Variants in DGKI observed in about 807,000 individuals in gnomAD.
DGKI encodes DAG kinase iota.
A neutral mutation model predicts 147.5 loss-of-function variants in DGKI; 55 were observed. The observed-to-expected ratio is 0.37, with a 90% CI of 0.30 to 0.47. DGKI has a LOEUF of 0.47. Among genes scored for constraint, DGKI ranks in the 20% least tolerant of loss-of-function variants. DGKI has a pLI of 1.00. For synonymous variants in DGKI, 469 were observed against 477.1 expected, an observed-to-expected ratio of 0.98 and a Z score of 0.22; for missense variants, 1,007 against 1,323.8, an observed-to-expected ratio of 0.76 and a Z score of 3.71.
At chr7:137,397,053 AT>A (rs1811580743) in intron 31 of DGKI, among the ~76,000 whole-genome samples, 1 of 152,360 alleles carries the variant, frequency 6.6e-6, no homozygotes, top group East Asian at 1.9e-4. Flanking sequence ...AATAAATGTG[AT>A]GGGTATATTA....
chr7:137,795,657 T>C (rs1366237543), intron 1 of DGKI, among the ~76,000 whole-genome samples: 1 of 152,192 alleles, frequency 6.6e-6, no homozygotes, highest in Non-Finnish European at 1.5e-5. Context: ...TGGAAAGCCA[T>C]GCATATGCGC....
At chr7:137,394,322 T>C (rs1013677496) in intron 32 of DGKI, among the ~76,000 whole-genome samples, 2 of 152,224 alleles carry the variant, frequency 1.3e-5, no homozygotes, top group Admixed American at 6.5e-5. Context: ...TCAGCTATTG[T>C]TAGTGTTAGT....
chr7:137,539,552 G>C (rs888998341), intron 20 of DGKI, among the ~76,000 whole-genome samples: 17 of 152,066 alleles, frequency 1.1e-4, no homozygotes, highest in African/African-American at 3.9e-4. Flanking sequence ...AAGCCAGACA[G>C]ATAAGAATAG....
intron 23 of DGKI, among the ~76,000 whole-genome samples, chr7:137,470,601 G>T (rs1814844426): frequency 6.6e-6 from 1 of 151,702 alleles, no homozygotes; most frequent in Non-Finnish European, 1.5e-5. Context: ...TGTCTTCCAG[G>T]CTGTCTTCCA....
At chr7:137,736,398 G>A (rs1055419918) in intron 1 of DGKI, among the ~76,000 whole-genome samples, 15 of 152,206 alleles carry the variant, frequency 9.9e-5, no homozygotes, top group East Asian at 1.9e-4. Flanking sequence ...ACCTCTTACC[G>A]TGTGACAGTG....
chr7:137,516,686 T>C (rs1380991745), intron 21 of DGKI, among the ~76,000 whole-genome samples: 1 of 152,092 alleles, frequency 6.6e-6, no homozygotes, highest in Non-Finnish European at 1.5e-5. Context: ...TTTTCTAGTT[T>C]CATCTTTCAA....
intron 5 of DGKI, among the ~76,000 whole-genome samples, chr7:137,653,464 A>G (rs954543783): frequency 6.6e-6 from 1 of 152,224 alleles, no homozygotes; most frequent in African/African-American, 2.4e-5. Flanking sequence ...ATGGCTTACA[A>G]GGACCTTCAG....
At chr7:137,438,442 G>A (rs183763208) in intron 28 of DGKI, among the ~76,000 whole-genome samples, 1 of 152,176 alleles carries the variant, frequency 6.6e-6, no homozygotes, top group African/African-American at 2.4e-5. Flanking sequence ...GTGTTGGTGA[G>A]GATGTAGATC....
At chr7:137,770,247 A>G (rs1796142977) in intron 1 of DGKI, among the ~76,000 whole-genome samples, 2 of 152,208 alleles carry the variant, frequency 1.3e-5, no homozygotes, top group South Asian at 2.1e-4. Flanking sequence ...GTTCTCTCTC[A>G]TAAGCGGGAG....
At chr7:137,588,649 T>C (rs1819499457) in intron 12 of DGKI, among the ~76,000 whole-genome samples, 1 of 152,038 alleles carries the variant, frequency 6.6e-6, no homozygotes, top group Non-Finnish European at 1.5e-5. Context: ...GCGAATTTTT[T>C]GTATTTTTAG....
chr7:137,700,856 C>A (rs1477165893), intron 1 of DGKI, among the ~76,000 whole-genome samples: 1 of 151,098 alleles, frequency 6.6e-6, no homozygotes, highest in South Asian at 2.1e-4. Flanking sequence ...CCAGCCTGGG[C>A]GACAAGAGCG....
chr7:137,771,191 A>G (rs1156246225), intron 1 of DGKI, among the ~76,000 whole-genome samples: 1 of 152,064 alleles, frequency 6.6e-6, no homozygotes, highest in Non-Finnish European at 1.5e-5. Flanking sequence ...CCCGGGTTCA[A>G]GCGATTCTCC....
intron 1 of DGKI, among the ~76,000 whole-genome samples, chr7:137,821,749 A>G (rs892068532): frequency 4.6e-5 from 7 of 152,244 alleles, no homozygotes; most frequent in Admixed American, 4.6e-4. Flanking sequence ...AGCTGAATGC[A>G]GGCAGAGTAG....
intron 20 of DGKI, among the ~76,000 whole-genome samples, chr7:137,550,806 C>A (rs527419620): frequency 1.2e-4 from 18 of 152,290 alleles, no homozygotes; most frequent in South Asian, 2.1e-4. Context: ...TGCATATCTT[C>A]TTAACTATCT....
chr7:137,515,885 A>G (rs1816728959), intron 21 of DGKI, among the ~76,000 whole-genome samples: 3 of 152,124 alleles, frequency 2.0e-5, no homozygotes, highest in African/African-American at 7.2e-5. Context: ...AAGAGATGGG[A>G]AAAGACAGTA....
At chr7:137,754,759 G>A (rs764240382) in intron 1 of DGKI, among the ~76,000 whole-genome samples, 17 of 152,284 alleles carry the variant, frequency 1.1e-4, no homozygotes, top group Admixed American at 7.8e-4. Flanking sequence ...AGGCAGAAAC[G>A]GCAGCGATGG....
In DGKI at chr7:137,846,508, C is replaced by T. The variant is rs1174915839; in HGVS notation, c.355G>A (p.Glu119Lys). The change falls in exon 1 of 33, where the codon GAG becomes AAG. Residue 119 changes from glutamate to lysine, a missense_variant. Glu to Lys is a moderately conservative substitution (Grantham distance 56). Around this residue, in one of 5 missense-constraint regions of DGKI, gnomAD observed 259 missense variants for 362.5 expected, o/e 0.71. Coordinates refer to ENST00000614521, the MANE Select transcript of DGKI (RefSeq NM_001321708.2). This position sits in a 1 kb window ranked among gnomAD's most constrained non-coding sequence, Gnocchi z 4.0. ...AGQKEKDEALEEKLRNLTFRK... is the reference protein window; with the variant it reads ...AGQKEKDEALKEKLRNLTFRK... Reference sequence around the variant, plus strand: ...AAAGTTAAGTTCCTCAGCTTCTCCTCCAGCGCTTCGTCCTTCTCCTTCTGG... The same window carrying T: ...AAAGTTAAGTTCCTCAGCTTCTCCTTCAGCGCTTCGTCCTTCTCCTTCTGG... The T allele has an allele frequency of 6.3e-7, 1 of 1,588,040 alleles. No homozygotes were observed. Among genetic ancestry groups the T allele is most frequent in the Non-Finnish European group, 8.5e-7 (1 of 1,170,248 alleles).
Position 137,707,456 on chromosome 7 carries a change from A to G in DGKI, c.402-17454T>C, listed in dbSNP as rs184263491. On this transcript the variant is annotated intron_variant, in intron 1 of 32. Transcript: ENST00000614521. Reference sequence around the variant, plus strand: ...GGATCTGTGTTCATATCCAAATCTCATGTTCAACTGTAATTCCCAATGTTG... The same window carrying G: ...GGATCTGTGTTCATATCCAAATCTCGTGTTCAACTGTAATTCCCAATGTTG... 1.4e-3 allele frequency among the ~76,000 whole-genome samples: 218 copies of G among 152,156 alleles called. 4 individuals carry two copies. The highest frequency in any genetic ancestry group is 1.8e-3 in the Non-Finnish European group (124 of 67,982).
At chr7:137,725,739 AGTC>A (rs770462813) in intron 1 of DGKI, among the ~76,000 whole-genome samples, 1 of 152,304 alleles carries the variant, frequency 6.6e-6, no homozygotes, top group East Asian at 1.9e-4. Flanking sequence ...GACTTCTAAT[AGTC>A]GTCTGTATTT....
Sources: gnomAD v4.1 joint callset for allele counts (sites outside exome capture counted in the v4.1 genomes callset) on GRCh38, gnomAD v4.1.1 for gene constraint, gnomAD v4.1.1 regional missense constraint, Gnocchi (gnomAD v3.1) non-coding constraint, MANE v1.5 for transcripts, NCBI Gene and HGNC (gene_info 2026-07-23, HGNC 2026-07-21) for gene names.